HPSE2: variants seen among roughly 807,000 people sequenced by gnomAD.
The protein encoded by HPSE2 is inactive heparanase-2.
Under a neutral mutation model 60.5 loss-of-function variants are expected in HPSE2, and 38 were observed. That is an observed-to-expected ratio of 0.63 (90% CI 0.48 to 0.82). The LOEUF is 0.82. Among genes scored for constraint, HPSE2 ranks in the 40% least tolerant of loss-of-function variants. The probability of loss-of-function intolerance (pLI) is 0.00; values close to 1 mark genes in which losing one functional copy is unlikely to be tolerated. For missense variants in HPSE2, 713 were observed against 740.4 expected, an observed-to-expected ratio of 0.96 and a Z score of 0.43; for synonymous variants, 295 against 293.2, an observed-to-expected ratio of 1.01 and a Z score of -0.06.
chr10:98,937,794 T>TCCCTGAC (rs1954851904), intron 3 of HPSE2, among the ~76,000 whole-genome samples: 2 of 142,238 alleles, frequency 1.4e-5, no homozygotes, highest in Admixed American at 7.0e-5. Context: ...CTCAAGTGGG[T>TCCCTGAC]CCCTGACCCC....
At chr10:98,657,796 A>G (rs1018136331) in intron 6 of HPSE2, among the ~76,000 whole-genome samples, 21 of 152,240 alleles carry the variant, frequency 1.4e-4, no homozygotes, top group Non-Finnish European at 1.3e-4. Flanking sequence ...TGCTGTAAAT[A>G]GATTTCCCTT....
At chr10:98,922,503 G>A (rs893199788) in intron 3 of HPSE2, among the ~76,000 whole-genome samples, 4 of 152,240 alleles carry the variant, frequency 2.6e-5, no homozygotes, top group African/African-American at 4.8e-5. Context: ...GGAAGGTAAC[G>A]CATGCTTGAC....
chr10:99,130,183 G>A (rs539750348), intron 3 of HPSE2, among the ~76,000 whole-genome samples: 1 of 152,048 alleles, frequency 6.6e-6, no homozygotes, highest in East Asian at 1.9e-4. Context: ...TGGATTCTCA[G>A]CTGAATTCTA....
the HPSE2 span, among the ~76,000 whole-genome samples, chr10:99,254,442 A>G: frequency 6.6e-6 from 1 of 152,182 alleles, no homozygotes; most frequent in African/African-American, 2.4e-5. Context: ...ATTGGTTACT[A>G]TTCTCAGTAC....
intron 9 of HPSE2, among the ~76,000 whole-genome samples, chr10:98,510,931 T>G (rs1942368831): frequency 6.6e-6 from 1 of 152,200 alleles, no homozygotes. Context: ...CTGGAGGAAT[T>G]TGCAGACAAC....
the HPSE2 span, among the ~76,000 whole-genome samples, chr10:99,272,216 G>C: frequency 6.7e-6 from 1 of 148,584 alleles, no homozygotes; most frequent in Non-Finnish European, 1.5e-5. Context: ...GTTGCAGTGA[G>C]CCCAGATTGC....
intron 11 of HPSE2, among the ~76,000 whole-genome samples, chr10:98,467,131 C>G (rs548695603): frequency 6.6e-6 from 1 of 152,194 alleles, no homozygotes; most frequent in Non-Finnish European, 1.5e-5. Flanking sequence ...CTAACTCTTA[C>G]TTGTCCTTCA....
At chr10:99,207,017 A>G (rs1299150257) in intron 2 of HPSE2, among the ~76,000 whole-genome samples, 1 of 152,156 alleles carries the variant, frequency 6.6e-6, no homozygotes, top group Non-Finnish European at 1.5e-5. Flanking sequence ...ATATTTTCCA[A>G]ATCTAGAGAA....
intron 11 of HPSE2, among the ~76,000 whole-genome samples, chr10:98,482,296 G>A (rs1440018969): frequency 2.0e-5 from 3 of 152,186 alleles, no homozygotes; most frequent in Admixed American, 6.5e-5. Flanking sequence ...TGACCATGGG[G>A]CACTATTGGC....
chr10:98,648,632 T>A (rs1946838752), intron 6 of HPSE2, among the ~76,000 whole-genome samples: 1 of 151,634 alleles, frequency 6.6e-6, no homozygotes, highest in Non-Finnish European at 1.5e-5. Context: ...AATAAAAAAA[T>A]TAGCTGGGTG....
At chr10:98,728,175 T>C (rs1488319515) in intron 4 of HPSE2, among the ~76,000 whole-genome samples, 3 of 152,214 alleles carry the variant, frequency 2.0e-5, no homozygotes, top group Non-Finnish European at 4.4e-5. Flanking sequence ...TACTCTTTTC[T>C]TCTCTTAACT....
chr10:98,747,163 TA>T (rs939181545), intron 3 of HPSE2, among the ~76,000 whole-genome samples: 22 of 152,104 alleles, frequency 1.4e-4, no homozygotes, highest in Non-Finnish European at 2.8e-4. Context: ...TATATTATCA[TA>T]AAAAATACTC....
the HPSE2 span, among the ~76,000 whole-genome samples, chr10:99,261,310 G>A: frequency 1.3e-3 from 196 of 152,002 alleles, 2 homozygotes; most frequent in Admixed American, 3.1e-3. Flanking sequence ...CCTCTGCTCC[G>A]CCACCCTATA....
At chr10:98,715,415 A>C (rs887080573) in intron 5 of HPSE2, among the ~76,000 whole-genome samples, 1 of 151,976 alleles carries the variant, frequency 6.6e-6, no homozygotes, top group Non-Finnish European at 1.5e-5. Context: ...TTTTATTTTT[A>C]AAGCACTGGA....
At chr10:98,958,927 T>G (rs943615942) in intron 3 of HPSE2, among the ~76,000 whole-genome samples, 1 of 152,130 alleles carries the variant, frequency 6.6e-6, no homozygotes, top group Non-Finnish European at 1.5e-5. Flanking sequence ...CTCCAACCAC[T>G]GCTAGCTATG....
At chr10:98,511,156 T>C (rs1942379419) in intron 9 of HPSE2, among the ~76,000 whole-genome samples, 1 of 151,826 alleles carries the variant, frequency 6.6e-6, no homozygotes, top group South Asian at 2.1e-4. Context: ...TTTTTGTTTT[T>C]TGTTTTTTTT....
chr10:99,250,104 C>A, the HPSE2 span, among the ~76,000 whole-genome samples: 2 of 148,086 alleles, frequency 1.4e-5, no homozygotes, highest in Non-Finnish European at 3.0e-5. Flanking sequence ...GATCATGCCA[C>A]TGCACTCTAG....
chr10:99,123,356 A>G (rs886323176), intron 3 of HPSE2, among the ~76,000 whole-genome samples: 8 of 152,346 alleles, frequency 5.3e-5, no homozygotes, highest in African/African-American at 1.9e-4. Flanking sequence ...AAAATATACA[A>G]ACCCCAATTA....
At chr10:99,005,449 C>G (rs534359949) in intron 3 of HPSE2, among the ~76,000 whole-genome samples, 4 of 152,060 alleles carry the variant, frequency 2.6e-5, no homozygotes, top group Admixed American at 1.3e-4. Context: ...CTTTCTATTG[C>G]ATTTTTCACT....
Sources: allele counts gnomAD v4.1 joint callset (sites outside exome capture counted in the v4.1 genomes callset), GRCh38; gene constraint gnomAD v4.1.1; transcripts MANE v1.5; gene names NCBI Gene and HGNC (gene_info 2026-07-23, HGNC 2026-07-21).